Variants in MPRIP observed in about 807,000 individuals in gnomAD.
MPRIP encodes myosin phosphatase Rho-interacting protein.
MPRIP carries 59 observed loss-of-function variants against 234.9 expected under a neutral mutation model. That is an observed-to-expected ratio of 0.25 (90% CI 0.20 to 0.31). The LOEUF (loss-of-function observed/expected upper bound fraction) is 0.31, where lower values mean the gene tolerates loss of function less well. MPRIP is among the 10% of genes least tolerant of loss of function. MPRIP has a pLI of 1.00. For synonymous variants in MPRIP, 1,144 were observed against 1,263.9 expected, an observed-to-expected ratio of 0.91 and a Z score of 2.01; for missense variants, 2,436 against 3,071.0, an observed-to-expected ratio of 0.79 and a Z score of 4.89.
chr17:17,077,553 C>A (rs2089361863), intron 2 of MPRIP: 1 of 157,338 alleles, frequency 6.4e-6, no homozygotes, highest in African/African-American at 2.4e-5. Flanking sequence ...TCAGAACAAC[C>A]CCTTTTGTAG....
intron 1 of MPRIP, among the ~76,000 whole-genome samples, chr17:17,056,453 G>A (rs2088699915): frequency 6.6e-6 from 1 of 152,182 alleles, no homozygotes; most frequent in African/African-American, 2.4e-5. Flanking sequence ...GGGGAGCAGG[G>A]GCAGGGGCCG....
intron 3 of MPRIP, among the ~76,000 whole-genome samples, chr17:17,105,307 T>C (rs1351652128): frequency 1.3e-5 from 2 of 152,202 alleles, no homozygotes; most frequent in Admixed American, 1.3e-4. Context: ...AGGCAGCCCC[T>C]GTTGCTGCTC....
chr17:17,139,755 A>G (rs1280047050), intron 7 of MPRIP, among the ~76,000 whole-genome samples: 3 of 152,228 alleles, frequency 2.0e-5, no homozygotes, highest in Non-Finnish European at 4.4e-5. Flanking sequence ...CAGGATAAGG[A>G]AGCATCTCCC....
At chr17:17,063,140 G>A (rs1300054076) in intron 1 of MPRIP, among the ~76,000 whole-genome samples, 3 of 152,262 alleles carry the variant, frequency 2.0e-5, no homozygotes, top group Non-Finnish European at 4.4e-5. Context: ...AGGTGTGGGA[G>A]GCAGAGGTGC....
At chr17:17,101,467 G>C (rs1288697210) in intron 3 of MPRIP, among the ~76,000 whole-genome samples, 4 of 152,160 alleles carry the variant, frequency 2.6e-5, no homozygotes, top group Non-Finnish European at 5.9e-5. Context: ...CTCAGGCTGA[G>C]GCTGAGGCAG....
At chr17:17,103,116 G>A (rs2089996134) in intron 3 of MPRIP, among the ~76,000 whole-genome samples, 1 of 152,222 alleles carries the variant, frequency 6.6e-6, no homozygotes, top group Non-Finnish European at 1.5e-5. Flanking sequence ...GTGGTGTGGT[G>A]GAGCGAGTAC....
At chr17:17,087,544 A>G (rs2089618900) in intron 3 of MPRIP, among the ~76,000 whole-genome samples, 1 of 152,216 alleles carries the variant, frequency 6.6e-6, no homozygotes, top group South Asian at 2.1e-4. Flanking sequence ...ACCCTGGGTC[A>G]TTCTGGAGAG....
chr17:17,140,124 C>T (rs182436238), intron 7 of MPRIP, among the ~76,000 whole-genome samples: 7 of 152,224 alleles, frequency 4.6e-5, no homozygotes, highest in Admixed American at 2.6e-4. Context: ...AGGAGGAGGC[C>T]AGTGGGTGGG....
At chr17:17,077,973 C>G in intron 2 of MPRIP, 38 bp from the exon 3 acceptor site, 2 of 1,611,654 alleles carry the variant, frequency 1.2e-6, no homozygotes, top group Non-Finnish European at 1.7e-6. Flanking sequence ...GGCCAGGACC[C>G]AGATCCTCCT....
At chr17:17,142,454 G>A in intron 7 of MPRIP, 173 bp from the exon 8 acceptor site, 1 of 669,818 alleles carries the variant, frequency 1.5e-6, no homozygotes, top group Non-Finnish European at 2.5e-6. Flanking sequence ...GGAGGGCCGT[G>A]GAGGGGTGCA....
Position 17,166,501 on chromosome 17 carries a change from G to A in MPRIP, c.4910G>A (p.Gly1637Glu), listed in dbSNP as rs1353305622. The A allele has an allele frequency of 4.6e-6, 6 of 1,304,306 alleles. No individual in the cohort carries two copies. Among genetic ancestry groups the A allele is most frequent in the Non-Finnish European group, 6.1e-6 (6 of 988,964 alleles). 80.8% of individuals were successfully genotyped at this position (1,304,306 alleles called of 1,614,324 possible). ...SQVESLRKHL[G>E]TLGGEAVGAS... The stretch of plus-strand genomic sequence containing the variant: ...GTTGAGTCTCTGAGGAAGCACTTGG[G>A]GACACTGGGAGGAGAGGCAGTCGGT... Residue 1637 changes from glycine (G) to glutamate (E), a missense_variant, in exon 16 of 24, where the codon GGG (glycine) becomes GAG (glutamate). This residue lies in a region of MPRIP where 1,998 missense variants were observed against 2,520.3 expected (regional missense o/e 0.79). Coordinates refer to ENST00000651222, the MANE Select transcript of MPRIP (RefSeq NM_001364716.4). This position sits in a 1 kb window ranked among gnomAD's most constrained non-coding sequence, Gnocchi z 4.4.
At chr17:17,069,234 A>G (rs1466837521) in intron 1 of MPRIP, among the ~76,000 whole-genome samples, 6 of 144,524 alleles carry the variant, frequency 4.2e-5, no homozygotes, top group African/African-American at 1.3e-4. Flanking sequence ...TTATCTGATA[A>G]CATAACAACT....
rs573548061 is a variant in MPRIP at position 17,158,771 on chromosome 17, A to G, written c.2169A>G (p.Pro723=). 1.2e-6 allele frequency: 2 copies of G among 1,611,752 alleles called. No individual in the cohort carries two copies. The highest frequency in any genetic ancestry group is 2.7e-5 in the African/African-American group (2 of 75,022). ...GGATGCTCGACGCCACAGACGGGCCAGGCACTGAGGATGCAGCCCTGCGCA... is the reference window on the plus strand; with the variant it reads ...GGATGCTCGACGCCACAGACGGGCCGGGCACTGAGGATGCAGCCCTGCGCA... ...RFGMLDATDG[P]GTEDAALRME... is the part of the protein sequence containing the mutation. Residue 723 remains proline (P), a synonymous_variant, in exon 14 of 24, where the codon CCA becomes CCG. Transcript: ENST00000651222.
intron 8 of MPRIP, among the ~76,000 whole-genome samples, 168 bp from the exon 9 acceptor site, chr17:17,143,388 G>A (rs570462912): frequency 3.9e-4 from 60 of 152,328 alleles, no homozygotes; most frequent in South Asian, 2.7e-3. Flanking sequence ...CAGGACCCGG[G>A]TCCTGTCCTG....
In MPRIP at chr17:17,097,219, C is replaced by T. The variant is rs143357267; in HGVS notation, c.267+19143C>T. On this transcript the variant is annotated intron_variant, in intron 3 of 23. Coordinates refer to ENST00000651222, the MANE Select transcript of MPRIP (RefSeq NM_001364716.4). ...GCAAAATTGCCTATTAAACCCCACA[C>T]GGAGGTAAAAATCGGTTCATATTGT... 8 of 187,810 alleles carry T rather than the reference C, an allele frequency of 4.3e-5. No individual in the cohort carries two copies. In the South Asian group the frequency reaches 6.0e-4, roughly 14 times the overall value. The allele number at this position is 187,810 out of a possible 1,614,324, so 11.6% of individuals were successfully genotyped here. A position where few individuals can be genotyped will look rare whatever the true frequency, so the allele number is the denominator to read the frequency against.
At position 17,165,273 on chromosome 17, in the gene MPRIP, G is replaced by A. The variant is rs1340395808; in HGVS notation, c.3682G>A (p.Glu1228Lys). The stretch of plus-strand genomic sequence containing the variant: ...TGCAAGTGAATCTCCAAAGGACATG[G>A]AAGAGCCACGGAGTACCCCTGAAGA... Reference protein sequence around the residue: ...KFASESPKDMEEPRSTPEETE... With the variant: ...KFASESPKDMKEPRSTPEETE... Residue 1228 changes from glutamate (E) to lysine (K), a missense_variant, in exon 16 of 24, where the codon GAA (glutamate) becomes AAA (lysine). Glu to Lys is a moderately conservative substitution (Grantham distance 56, BLOSUM62 1). This residue lies in a region of MPRIP where 1,998 missense variants were observed against 2,520.3 expected (regional missense o/e 0.79). Coordinates refer to ENST00000651222, the MANE Select transcript of MPRIP (RefSeq NM_001364716.4). 7.7e-6 allele frequency: 10 copies of A among 1,303,988 alleles called. No homozygotes were observed. Among genetic ancestry groups the A allele is most frequent in the Non-Finnish European group, 1.0e-5 (10 of 988,972 alleles). 80.8% of individuals were successfully genotyped at this position (1,303,988 alleles called of 1,614,324 possible).
intron 4 of MPRIP, 68 bp from the exon 5 acceptor site, chr17:17,131,549 A>C: frequency 7.2e-7 from 1 of 1,394,932 alleles, no homozygotes; most frequent in Non-Finnish European, 1.0e-6. Flanking sequence ...CCACCCGGCA[A>C]GGGCCAGGGC....
intron 21 of MPRIP, 29 bp downstream of exon 21, chr17:17,176,541 G>T (rs368937329): frequency 3.7e-5 from 58 of 1,573,168 alleles, no homozygotes; most frequent in Non-Finnish European, 4.8e-5. Flanking sequence ...AGGAGGGCGG[G>T]TACGGGAACA....
At position 17,192,037 on chromosome 17, in the gene MPRIP, T is replaced by A. The variant is rs1396116133; in HGVS notation, c.*7143T>A. ...AATGATTTTTCTCACAGCTGTGCCC[T>A]TCTGTCAGGGTCAGTGTCAAAATTC... On this transcript the variant is annotated 3_prime_UTR_variant, in exon 24 of 24. Transcript: ENST00000651222. 1 of 152,162 alleles carries A rather than the reference T, an allele frequency of 6.6e-6. No individual in the cohort carries two copies. The highest frequency in any genetic ancestry group is 1.5e-5 in the Non-Finnish European group (1 of 68,032). The allele number at this position is 152,162 out of a possible 1,614,324, so 9.4% of individuals were successfully genotyped here. A position where few individuals can be genotyped will look rare whatever the true frequency, so the allele number is the denominator to read the frequency against.
Sources: allele counts gnomAD v4.1 joint callset (sites outside exome capture counted in the v4.1 genomes callset), GRCh38; gene constraint gnomAD v4.1.1; regional missense constraint gnomAD v4.1.1; non-coding constraint Gnocchi (gnomAD v3.1); transcripts MANE v1.5; gene names NCBI Gene and HGNC (gene_info 2026-07-23, HGNC 2026-07-21).